The following PBRM1 variants were observed in gnomAD, a reference collection of about 807,000 sequenced individuals.
PBRM1 encodes the protein protein polybromo-1.
A neutral mutation model predicts 194.5 loss-of-function variants in PBRM1; 27 were observed. That is an observed-to-expected ratio of 0.14 (90% confidence interval 0.10 to 0.19). The LOEUF (loss-of-function observed/expected upper bound fraction) is 0.19, where lower values mean the gene tolerates loss of function less well. Among genes scored for constraint, PBRM1 ranks in the 10% least tolerant of loss-of-function variants. The pLI is 1.00. For missense variants in PBRM1, 1,466 were observed against 2,077.2 expected, an observed-to-expected ratio of 0.71 and a Z score of 5.72; for synonymous variants, 655 against 693.2, an observed-to-expected ratio of 0.94 and a Z score of 0.87.
chr3:52,639,670 T>C (rs1191359418), intron 10 of PBRM1, among the ~76,000 whole-genome samples: 6 of 151,950 alleles, frequency 3.9e-5, no homozygotes, highest in Non-Finnish European at 8.8e-5. Context: ...GAGTGGAGGT[T>C]GTAGGGAGCC....
chr3:52,545,436 A>G, downstream of PBRM1: 1 of 232,330 alleles, frequency 4.3e-6, no homozygotes, highest in East Asian at 6.1e-5. Flanking sequence ...AGATACATAC[A>G]TGTTATAAGA....
In PBRM1 at chr3:52,641,947, T is replaced by C; in HGVS notation, c.1087+7A>G. On this transcript the variant is annotated splice_region_variant and intron_variant, in intron 10 of 29. Transcript: ENST00000296302. ...AGGCATTTCGCTAGTCAAAACCTAA[T>C]GCCTACCAGCTAAAGCAGCATCTTC... is the stretch of plus-strand genomic sequence containing the variant. 1.9e-6 allele frequency: 3 copies of C among 1,557,612 alleles called. No individual in the cohort carries two copies. Among genetic ancestry groups the C allele is most frequent in the South Asian group, 1.1e-5 (1 of 90,086 alleles).
intron 25 of PBRM1, among the ~76,000 whole-genome samples, chr3:52,561,358 G>A (rs1323082360): frequency 2.0e-5 from 3 of 152,076 alleles, no homozygotes; most frequent in Non-Finnish European, 4.4e-5. Flanking sequence ...TTAAATATAT[G>A]GCTTACCAAG....
At chr3:52,662,059 A>G in intron 4 of PBRM1, 74 bp downstream of exon 5, 1 of 1,484,454 alleles carries the variant, frequency 6.7e-7, no homozygotes, top group Non-Finnish European at 9.3e-7. Context: ...ACAACAGCCC[A>G]GAGGGAATCA....
At chr3:52,685,105 A>G (rs1242025978) in intron 1 of PBRM1, among the ~76,000 whole-genome samples, 1 of 152,186 alleles carries the variant, frequency 6.6e-6, no homozygotes, top group Non-Finnish European at 1.5e-5. Flanking sequence ...TTATTGTAAG[A>G]ATTTCTATAT....
At chr3:52,641,033 AT>A (rs1440756195) in intron 10 of PBRM1, among the ~76,000 whole-genome samples, 2 of 152,214 alleles carry the variant, frequency 1.3e-5, no homozygotes, top group Non-Finnish European at 2.9e-5. Flanking sequence ...AAATAAAAAA[AT>A]ACTTAATTCT....
chr3:52,572,116 A>C (rs970176887), intron 22 of PBRM1, among the ~76,000 whole-genome samples: 3 of 147,050 alleles, frequency 2.0e-5, no homozygotes, highest in African/African-American at 7.7e-5. Flanking sequence ...TTTTCTACAT[A>C]CCTAATATTT....
chr3:52,608,093 G>T (rs2094440435), intron 16 of PBRM1, among the ~76,000 whole-genome samples: 1 of 152,120 alleles, frequency 6.6e-6, no homozygotes, highest in Non-Finnish European at 1.5e-5. Context: ...TAAGGTTGTG[G>T]CATGTTGTCT....
chr3:52,648,495 C>T, intron 6 of PBRM1, 53 bp from the exon 8 acceptor site: 1 of 945,442 alleles, frequency 1.1e-6, no homozygotes, highest in Non-Finnish European at 1.6e-6. Context: ...TTCATCAGTA[C>T]AACCTTTAAA....
At position 52,587,489 on chromosome 3, in the gene PBRM1, C is replaced by G. The variant is rs146315609; in HGVS notation, c.2987G>C (p.Cys996Ser). The G allele has an allele frequency of 1.3e-5, 21 of 1,609,352 alleles. No individual in the cohort carries two copies. In the South Asian group the frequency reaches 1.4e-4, roughly 11 times the overall value. ...TGTTTCATTTGGTCGGTAAAACCAA[C>G]AGCCATACAACCATTTTTCACCTCA... The change falls in exon 19 of 30, where the codon TGT becomes TCT. Residue 996 changes from cysteine to serine, a missense_variant. Around this residue, in one of 5 missense-constraint regions of PBRM1, gnomAD observed 687 missense variants for 946.2 expected, o/e 0.73. Transcript: ENST00000296302.
At chr3:52,570,572 G>T (rs2086727322) in intron 22 of PBRM1, among the ~76,000 whole-genome samples, 1 of 152,158 alleles carries the variant, frequency 6.6e-6, no homozygotes, top group Non-Finnish European at 1.5e-5. Flanking sequence ...TGGAATGGAG[G>T]TGGTATCTCT....
At chr3:52,598,125 T>C (rs1411428196) in intron 17 of PBRM1, among the ~76,000 whole-genome samples, 3 of 152,208 alleles carry the variant, frequency 2.0e-5, no homozygotes, top group African/African-American at 7.2e-5. Context: ...CACCACATAA[T>C]TCACCTATTT....
At chr3:52,656,207 G>A (rs892192107) in intron 5 of PBRM1, among the ~76,000 whole-genome samples, 1 of 152,164 alleles carries the variant, frequency 6.6e-6, no homozygotes, top group Non-Finnish European at 1.5e-5. Flanking sequence ...TAAAGGTCTT[G>A]CTTGTCTAGA....
At chr3:52,548,330 A>G in intron 29 of PBRM1, 95 bp from the exon 32 acceptor site, 1 of 722,360 alleles carries the variant, frequency 1.4e-6, no homozygotes, top group Non-Finnish European at 2.2e-6. Context: ...AAAACACAAA[A>G]CATTGAATAT....
At chr3:52,560,637 C>T (rs1410270172) in intron 25 of PBRM1, 4 of 152,136 alleles carry the variant, frequency 2.6e-5, no homozygotes, top group Non-Finnish European at 5.9e-5. Flanking sequence ...TTGGGCCTGA[C>T]AACACACATA....
chr3:52,670,076 T>C (rs745541594), intron 2 of PBRM1, among the ~76,000 whole-genome samples: 9 of 152,188 alleles, frequency 5.9e-5, no homozygotes, highest in Non-Finnish European at 1.3e-4. Context: ...CACAGTCCAG[T>C]GCTCCTTGCT....
upstream of PBRM1, among the ~76,000 whole-genome samples, chr3:52,680,207 G>A (rs981153374): frequency 3.3e-5 from 5 of 152,182 alleles, no homozygotes; most frequent in African/African-American, 1.2e-4. Flanking sequence ...ATGTGGAAAA[G>A]AGCAAGAAGC....
chr3:52,598,825 C>A (rs1206521623), intron 17 of PBRM1, among the ~76,000 whole-genome samples: 1 of 152,026 alleles, frequency 6.6e-6, no homozygotes, highest in Non-Finnish European at 1.5e-5. Flanking sequence ...GTTAAGAGAC[C>A]AGCCTGGCCA....
At chr3:52,678,683 TA>T (rs1578357268) in intron 1 of PBRM1, 86 bp from the exon 3 acceptor site, 8 of 782,792 alleles carry the variant, frequency 1.0e-5, no homozygotes, top group Admixed American at 2.3e-5. Context: ...TACTCTTCAA[TA>T]AAAGGCAAGT....
Sources: gnomAD v4.1 joint callset for allele counts (sites outside exome capture counted in the v4.1 genomes callset) on GRCh38, gnomAD v4.1.1 for gene constraint, gnomAD v4.1.1 regional missense constraint, MANE v1.5 for transcripts, NCBI Gene and HGNC (gene_info 2026-07-23, HGNC 2026-07-21) for gene names.